Variants in ZBTB20 observed in about 807,000 individuals in gnomAD.
The protein encoded by ZBTB20 is zinc finger and BTB domain containing 20, also known as zinc finger and BTB domain-containing protein 20.
Under a neutral mutation model 56.9 loss-of-function variants are expected in ZBTB20, and 9 were observed. The ratio of observed to expected loss-of-function variants is 0.16; its 90% CI spans 0.10 to 0.28. The LOEUF is 0.28. Ranked by LOEUF, ZBTB20 falls within the 10% of genes least tolerant of loss-of-function variation. The pLI is 1.00. For missense variants in ZBTB20, 655 were observed against 1,003.0 expected (o/e 0.65, Z 4.69); for synonymous variants, 417 against 420.7 (o/e 0.99, Z 0.11).
chr3:114,699,948 T>C (rs998291762), intron 5 of ZBTB20, among the ~76,000 whole-genome samples: 2 of 152,152 alleles, frequency 1.3e-5, no homozygotes, highest in African/African-American at 4.8e-5. Flanking sequence ...ATCAAAGTTG[T>C]ATAAATTCAA....
At chr3:115,014,771 CT>C (rs1389124470) in intron 2 of ZBTB20, among the ~76,000 whole-genome samples, 1 of 151,474 alleles carries the variant, frequency 6.6e-6, no homozygotes, top group African/African-American at 2.4e-5. Flanking sequence ...TTATCGGTGT[CT>C]TTTTTGTTTT....
chr3:115,108,235 T>C (rs180727733), intron 1 of ZBTB20, among the ~76,000 whole-genome samples: 15 of 152,354 alleles, frequency 9.8e-5, no homozygotes, highest in Admixed American at 3.9e-4. Context: ...ACATTTCATT[T>C]ATCTATTATT....
At chr3:114,921,034 T>C (rs1013715704) in intron 3 of ZBTB20, among the ~76,000 whole-genome samples, 3 of 152,160 alleles carry the variant, frequency 2.0e-5, no homozygotes, top group Non-Finnish European at 2.9e-5. Flanking sequence ...GACTGCATCA[T>C]AAATAATAAA....
At chr3:115,119,716 A>C (rs939899436) in intron 1 of ZBTB20, among the ~76,000 whole-genome samples, 18 of 152,194 alleles carry the variant, frequency 1.2e-4, no homozygotes, top group African/African-American at 4.3e-4. Context: ...AAAGTTCTAA[A>C]TTGAATAAAG....
chr3:114,597,245 G>A (rs2056395288), intron 6 of ZBTB20, among the ~76,000 whole-genome samples: 2 of 152,080 alleles, frequency 1.3e-5, no homozygotes, highest in East Asian at 1.9e-4. Context: ...GATATTAAGG[G>A]ATGCCTTCTT....
At chr3:114,367,182 G>C (rs2082495951) in intron 10 of ZBTB20, 1 of 151,992 alleles carries the variant, frequency 6.6e-6, no homozygotes, top group Non-Finnish European at 1.5e-5. Flanking sequence ...GTAGATGGGT[G>C]CACACAGGAA....
At chr3:115,063,393 TA>T (rs976269615) in intron 2 of ZBTB20, among the ~76,000 whole-genome samples, 9 of 152,138 alleles carry the variant, frequency 5.9e-5, no homozygotes, top group Non-Finnish European at 1.2e-4. Flanking sequence ...GGTTTGCATA[TA>T]GTAGTCTTCT....
chr3:114,333,422 C>T lies in ZBTB20; in HGVS notation c.*5583G>A, dbSNP rs1166901642. On this transcript the variant is annotated 3_prime_UTR_variant, in exon 12 of 12. Coordinates refer to ENST00000675478, the MANE Select transcript of ZBTB20 (RefSeq NM_001348800.3). ...TTTCCTGGCTACCTAAGAGAACAGC[C>T]GTTTTCTTCATGAAAACACAAAGAG... is the stretch of plus-strand genomic sequence containing the variant. 3 of 152,192 alleles carry T rather than the reference C, an allele frequency of 2.0e-5. No homozygotes were observed. Among genetic ancestry groups the T allele is most frequent in the Admixed American group, 6.5e-5 (1 of 15,282 alleles). 9.4% of individuals were successfully genotyped at this position (152,192 alleles called of 1,614,324 possible).
intron 2 of ZBTB20, among the ~76,000 whole-genome samples, chr3:115,029,195 A>C (rs1389476767): frequency 1.3e-5 from 2 of 150,794 alleles, no homozygotes; most frequent in Non-Finnish European, 3.0e-5. Context: ...TGTCAGACTT[A>C]TATGGAAAAA....
chr3:114,564,849 AC>A (rs2052527704), intron 6 of ZBTB20, among the ~76,000 whole-genome samples: 1 of 152,198 alleles, frequency 6.6e-6, no homozygotes, highest in African/African-American at 2.4e-5. Context: ...AGCAAATAAC[AC>A]CAGCGTTGCA....
At chr3:115,070,795 A>G (rs2082383162) in intron 2 of ZBTB20, among the ~76,000 whole-genome samples, 1 of 152,060 alleles carries the variant, frequency 6.6e-6, no homozygotes, top group South Asian at 2.1e-4. Flanking sequence ...AAACATATAT[A>G]CTCACATAAA....
chr3:114,583,990 A>G (rs1018299935), intron 6 of ZBTB20, among the ~76,000 whole-genome samples: 7 of 152,188 alleles, frequency 4.6e-5, no homozygotes, highest in Admixed American at 2.0e-4. Flanking sequence ...ATTCACATAC[A>G]TTCACATTTC....
At chr3:114,373,688 C>T (rs577669138) in intron 10 of ZBTB20, among the ~76,000 whole-genome samples, 6 of 152,224 alleles carry the variant, frequency 3.9e-5, no homozygotes, top group East Asian at 3.9e-4. Flanking sequence ...ATATTTACCC[C>T]GTTATGTTCC....
intron 2 of ZBTB20, among the ~76,000 whole-genome samples, chr3:115,052,367 G>T (rs1334009850): frequency 6.6e-6 from 1 of 151,990 alleles, no homozygotes; most frequent in Admixed American, 6.6e-5. Flanking sequence ...TGAGGCAGGA[G>T]AATCGCTAGA....
At chr3:114,626,963 A>G (rs1439346078) in intron 6 of ZBTB20, among the ~76,000 whole-genome samples, 1 of 152,194 alleles carries the variant, frequency 6.6e-6, no homozygotes, top group Admixed American at 6.5e-5. Context: ...GCCTCCCACA[A>G]TAATGGCAAC....
intron 5 of ZBTB20, among the ~76,000 whole-genome samples, chr3:114,699,173 C>A (rs1160969357): frequency 3.3e-5 from 5 of 152,048 alleles, no homozygotes; most frequent in Non-Finnish European, 5.9e-5. Flanking sequence ...TCATTTCCAC[C>A]AGCCCTTTTG....
intron 6 of ZBTB20, among the ~76,000 whole-genome samples, chr3:114,668,942 T>A (rs2061206932): frequency 6.6e-6 from 1 of 151,984 alleles, no homozygotes; most frequent in South Asian, 2.1e-4. Context: ...CGGATCAGAT[T>A]TTTCTATACT....
intron 7 of ZBTB20, chr3:114,454,513 A>C (rs1428792938): frequency 6.9e-6 from 1 of 143,964 alleles, no homozygotes; most frequent in Non-Finnish European, 1.5e-5. Flanking sequence ...CGGTCTCCTA[A>C]AAAAAAAAAA....
intron 6 of ZBTB20, among the ~76,000 whole-genome samples, chr3:114,631,068 C>T (rs2107830180): frequency 6.6e-6 from 1 of 152,206 alleles, no homozygotes; most frequent in East Asian, 1.9e-4. Flanking sequence ...AGTATATGTA[C>T]ATAACCTTTT....
Sources: gnomAD v4.1 joint callset for allele counts (sites outside exome capture counted in the v4.1 genomes callset) on GRCh38, gnomAD v4.1.1 for gene constraint, MANE v1.5 for transcripts, NCBI Gene and HGNC (gene_info 2026-07-23, HGNC 2026-07-21) for gene names.